The following ZFHX3 variants were observed in gnomAD, a reference collection of about 807,000 sequenced individuals.
ZFHX3 encodes the protein zinc finger homeobox 3.
A neutral mutation model predicts 279.1 loss-of-function variants in ZFHX3; 42 were observed. The ratio of observed to expected loss-of-function variants is 0.15; its 90% confidence interval spans 0.12 to 0.19. The LOEUF (loss-of-function observed/expected upper bound fraction) is 0.19. Ranked by LOEUF, ZFHX3 falls within the 10% of genes least tolerant of loss-of-function variation. ZFHX3 has a pLI of 1.00. For synonymous variants in ZFHX3, 2,293 were observed against 1,957.8 expected, an observed-to-expected ratio of 1.17 and a Z score of -4.52; for missense variants, 4,981 against 4,754.0, an observed-to-expected ratio of 1.05 and a Z score of -1.40.
intron 5 of ZFHX3, among the ~76,000 whole-genome samples, chr16:73,234,308 T>C (rs767353085): frequency 6.6e-6 from 1 of 152,196 alleles, no homozygotes; most frequent in Non-Finnish European, 1.5e-5. Flanking sequence ...TAACCAAGGA[T>C]GTCAACCCCT....
rs754916723 is a variant in ZFHX3 at position 72,795,637 on chromosome 16, T to G, written c.7045A>C (p.Lys2349Gln). The change falls in exon 9 of 10, where the codon AAG (lysine) becomes CAG (glutamine). Residue 2349 changes from lysine (K) to glutamine (Q), a missense_variant. Around this residue, in one of 7 missense-constraint regions of ZFHX3, gnomAD observed 744 missense variants for 701.3 expected, o/e 1.06. Transcript: ENST00000268489. ...RIFDLIKHQK[K>Q]LCYKDEDEEG... is the part of the protein sequence containing the mutation. ...TCATCCTCATCCTTGTAACACAGCT[T>G]CTTCTGGTGCTTGATGAGATCAAAG... 5 of 1,613,866 alleles carry G rather than the reference T, an allele frequency of 3.1e-6. No individual in the cohort carries two copies. The South Asian group carries it at 3.3e-5, about 11-fold the overall frequency.
chr16:73,240,646 A>T (rs1597237380), intron 5 of ZFHX3, among the ~76,000 whole-genome samples: 1 of 152,172 alleles, frequency 6.6e-6, no homozygotes, highest in East Asian at 1.9e-4. Context: ...ATTTGACCTC[A>T]GCTGGGAACA....
intron 3 of ZFHX3, among the ~76,000 whole-genome samples, chr16:73,395,218 A>G (rs577125291): frequency 3.3e-5 from 5 of 152,174 alleles, no homozygotes; most frequent in Non-Finnish European, 7.3e-5. Context: ...TAATCCCAGC[A>G]CTTTGGGAGG....
chr16:73,322,285 T>C (rs955282303), intron 3 of ZFHX3, among the ~76,000 whole-genome samples: 13 of 152,094 alleles, frequency 8.5e-5, no homozygotes, highest in Non-Finnish European at 1.5e-4. Flanking sequence ...ATGGCTTTTT[T>C]TTTTTTGCAG....
rs1339752904 is a variant in ZFHX3, at chr16:73,261,670, T to G, written c.-1193-4534A>C. On this transcript the variant is annotated intron_variant, in intron 4 of 17. Transcript: ENST00000641206. ...TAAATATAAACATTCCTGTGATTGT[T>G]TTTTTTTTTTTTTTTTTTTTTTAGG... is the stretch of plus-strand genomic sequence containing the variant. 2.9e-4 allele frequency among the ~76,000 whole-genome samples: 16 copies of G among 56,068 alleles called. No individual in the cohort carries two copies. The East Asian group carries it at 0.024, about 83-fold the overall frequency. 36.8% of individuals were successfully genotyped at this position (56,068 alleles called of 152,430 possible). A position where few individuals can be genotyped will look rare whatever the true frequency, so the allele number is the denominator to read the frequency against.
intron 4 of ZFHX3, among the ~76,000 whole-genome samples, chr16:72,878,742 G>A (rs2038384300): frequency 2.0e-5 from 3 of 152,260 alleles, no homozygotes; most frequent in South Asian, 2.1e-4. Flanking sequence ...GAGGCCAGAC[G>A]CAGTGGGAAG....
chr16:73,201,379 A>G (rs1029850078), intron 5 of ZFHX3, among the ~76,000 whole-genome samples: 10 of 152,244 alleles, frequency 6.6e-5, no homozygotes, highest in African/African-American at 2.4e-4. Context: ...AGCTAAGCCT[A>G]AAGCAGCCAA....
chr16:73,887,837 C>G (rs1186147027), intron 1 of ZFHX3, among the ~76,000 whole-genome samples: 1 of 152,018 alleles, frequency 6.6e-6, no homozygotes, highest in Non-Finnish European at 1.5e-5. Flanking sequence ...ATCTCATTTT[C>G]AACACTTAAA....
intron 2 of ZFHX3, among the ~76,000 whole-genome samples, chr16:73,489,414 T>C (rs770100938): frequency 8.1e-4 from 124 of 152,224 alleles, no homozygotes; most frequent in Admixed American, 1.1e-3. Context: ...ATAGCTTCTC[T>C]AGATCATTCC....
chr16:72,901,523 C>A (rs913816198), intron 3 of ZFHX3, among the ~76,000 whole-genome samples: 8 of 152,288 alleles, frequency 5.3e-5, no homozygotes, highest in Admixed American at 3.3e-4. Context: ...TTATTTTATT[C>A]TTCTCTTAAA....
At chr16:73,256,487 CA>C (rs920484261) in intron 5 of ZFHX3, among the ~76,000 whole-genome samples, 6 of 152,042 alleles carry the variant, frequency 3.9e-5, no homozygotes, top group Non-Finnish European at 7.4e-5. Context: ...CTGGAGACTT[CA>C]AAAAAAGCAG....
intron 2 of ZFHX3, among the ~76,000 whole-genome samples, chr16:73,644,557 A>G (rs959511789): frequency 2.6e-5 from 4 of 152,176 alleles, no homozygotes; most frequent in African/African-American, 9.7e-5. Context: ...GCTACCCCAG[A>G]GGCTGAGGTA....
At chr16:73,871,493 A>AG (rs1567435884) in intron 1 of ZFHX3, among the ~76,000 whole-genome samples, 2 of 151,884 alleles carry the variant, frequency 1.3e-5, no homozygotes, top group Admixed American at 6.5e-5. Flanking sequence ...ATAAAAAAAA[A>AG]AAGAGAGAGA....
chr16:73,476,617 GC>G (rs2018770646), intron 2 of ZFHX3, among the ~76,000 whole-genome samples: 1 of 152,188 alleles, frequency 6.6e-6, no homozygotes, highest in Admixed American at 6.5e-5. Context: ...GTGGGAGGAA[GC>G]TGTGAATTAT....
At chr16:72,818,719 G>T (rs1376134789) in intron 5 of ZFHX3, among the ~76,000 whole-genome samples, 1 of 152,210 alleles carries the variant, frequency 6.6e-6, no homozygotes, top group Admixed American at 6.5e-5. Flanking sequence ...AGCAGAATCT[G>T]TCTCAACATC....
intron 1 of ZFHX3, among the ~76,000 whole-genome samples, chr16:73,882,186 C>A (rs1231363363): frequency 1.3e-5 from 2 of 151,942 alleles, no homozygotes; most frequent in African/African-American, 4.8e-5. Context: ...ACTGTTTGTC[C>A]CACAGATCAG....
At chr16:73,353,382 T>G (rs921777848) in intron 3 of ZFHX3, among the ~76,000 whole-genome samples, 12 of 152,348 alleles carry the variant, frequency 7.9e-5, no homozygotes, top group African/African-American at 2.9e-4. Context: ...GGATCCTGCT[T>G]GGCTCAAGCG....
At chr16:73,585,466 G>A (rs921111343) in intron 2 of ZFHX3, among the ~76,000 whole-genome samples, 1 of 152,118 alleles carries the variant, frequency 6.6e-6, no homozygotes, top group African/African-American at 2.4e-5. Context: ...GGGGCAGGGA[G>A]AGCATAAAAG....
intron 3 of ZFHX3, among the ~76,000 whole-genome samples, chr16:73,440,925 T>C (rs1334894272): frequency 6.6e-6 from 1 of 152,202 alleles, no homozygotes; most frequent in Non-Finnish European, 1.5e-5. Context: ...TCATCTTTAG[T>C]CACAAACAGA....
Sources: allele counts gnomAD v4.1 joint callset (sites outside exome capture counted in the v4.1 genomes callset), GRCh38; gene constraint gnomAD v4.1.1; regional missense constraint gnomAD v4.1.1; transcripts MANE v1.5; gene names NCBI Gene and HGNC (gene_info 2026-07-23, HGNC 2026-07-21).